MALRD1: variants seen among roughly 807,000 people sequenced by gnomAD.
MALRD1 encodes the protein MAM and LDL receptor class A domain containing 1.
MALRD1 carries 247 observed loss-of-function variants against 242.1 expected under a neutral mutation model. That is an observed-to-expected ratio of 1.02 (90% CI 0.92 to 1.13). The LOEUF (loss-of-function observed/expected upper bound fraction) is 1.13. MALRD1 is among the 50% of genes most tolerant of loss of function. The pLI, the probability that MALRD1 is intolerant of heterozygous loss-of-function variation, is 0.00. For missense variants in MALRD1, 2,989 were observed against 2,533.1 expected (o/e 1.18, Z -3.86); for synonymous variants, 995 against 866.6 (o/e 1.15, Z -2.60).
intron 22 of MALRD1, among the ~76,000 whole-genome samples, chr10:19,327,017 A>G (rs1207727171): frequency 6.6e-6 from 1 of 152,016 alleles, no homozygotes; most frequent in South Asian, 2.1e-4. Flanking sequence ...TACAGTACTG[A>G]TGAGAATATG....
chr10:19,332,394 G>C (rs983651245), intron 24 of MALRD1, among the ~76,000 whole-genome samples: 4 of 150,754 alleles, frequency 2.7e-5, no homozygotes, highest in African/African-American at 7.3e-5. Flanking sequence ...TCAGCTGTGT[G>C]ATATGGTTAA....
intron 36 of MALRD1, among the ~76,000 whole-genome samples, chr10:19,679,640 G>T (rs1489770503): frequency 6.6e-6 from 1 of 151,628 alleles, no homozygotes; most frequent in Admixed American, 6.6e-5. Context: ...AGTTTTTCGT[G>T]CCTCTGTCTC....
chr10:19,105,137 C>G (rs1473153462), intron 5 of MALRD1, among the ~76,000 whole-genome samples: 2 of 151,924 alleles, frequency 1.3e-5, no homozygotes, highest in Admixed American at 1.3e-4. Context: ...TAATTTCATA[C>G]CCATTGACCA....
intron 32 of MALRD1, among the ~76,000 whole-genome samples, chr10:19,541,828 G>A (rs1425924840): frequency 1.3e-5 from 2 of 152,156 alleles, no homozygotes; most frequent in South Asian, 2.1e-4. Context: ...CTGCGCCAGA[G>A]TAAACCTTGC....
chr10:19,603,068 A>C (rs1042303935), intron 34 of MALRD1, among the ~76,000 whole-genome samples: 7 of 151,702 alleles, frequency 4.6e-5, no homozygotes, highest in African/African-American at 1.7e-4. Context: ...AATTTGTTTG[A>C]GTTCATTGTA....
intron 21 of MALRD1, among the ~76,000 whole-genome samples, chr10:19,303,356 G>T (rs1023298693): frequency 3.3e-5 from 5 of 151,528 alleles, no homozygotes; most frequent in African/African-American, 7.3e-5. Flanking sequence ...CCAAGTTTGG[G>T]TATCTCTTAT....
At chr10:19,454,254 C>T (rs990204751) in intron 29 of MALRD1, among the ~76,000 whole-genome samples, 1 of 151,434 alleles carries the variant, frequency 6.6e-6, no homozygotes, top group East Asian at 1.9e-4. Flanking sequence ...ATAGGACAAA[C>T]CACAAACAGT....
intron 36 of MALRD1, among the ~76,000 whole-genome samples, chr10:19,690,904 A>ATAC (rs1252897271): frequency 2.6e-5 from 4 of 152,052 alleles, no homozygotes; most frequent in Non-Finnish European, 5.9e-5. Flanking sequence ...GTAATCCAAG[A>ATAC]CAGTTTTCCA....
At chr10:19,135,016 A>G (rs1002770298) in intron 9 of MALRD1, among the ~76,000 whole-genome samples, 2 of 152,332 alleles carry the variant, frequency 1.3e-5, no homozygotes, top group Admixed American at 6.5e-5. Context: ...TGGGAAAAGT[A>G]TGTAGCAGCA....
chr10:19,615,868 A>G lies in MALRD1; in HGVS notation c.6082A>G (p.Asn2028Asp). The change falls in exon 36 of 40, where the codon AAT becomes GAT. Residue 2028 changes from asparagine to aspartate, a missense_variant. Coordinates refer to ENST00000454679, the MANE Select transcript of MALRD1 (RefSeq NM_001142308.3). ...DESSCSECPLNYCRNGGTCVV... is the reference protein window; with the variant it reads ...DESSCSECPLDYCRNGGTCVV... ...ATGCTTCTTTTTAGAATGTCCATTAAATTACTGCAGAAATGGTGGGACTTG... is the reference window on the plus strand; with the variant it reads ...ATGCTTCTTTTTAGAATGTCCATTAGATTACTGCAGAAATGGTGGGACTTG... 6.5e-7 allele frequency: 1 copy of G among 1,530,254 alleles called. No individual in the cohort carries two copies. The highest frequency in any genetic ancestry group is 8.7e-7 in the Non-Finnish European group (1 of 1,143,336). 94.8% of individuals were successfully genotyped at this position (1,530,254 alleles called of 1,614,324 possible). A position where few individuals can be genotyped will look rare whatever the true frequency, so the allele number is the denominator to read the frequency against.
rs141228125 is a variant in MALRD1, at chr10:19,508,190, T to A, written c.5320+9544T>A. Among the ~76,000 whole-genome samples the A allele has an allele frequency of 2.4e-3, 363 of 152,296 alleles. 6 individuals are homozygous for A. The East Asian group carries it at 0.05, about 21-fold the overall frequency. ...ATAAAGATGCTTTCATTAGTGTTTT[T>A]ACTTTTTCAAAGAGTTGTGGATGGA... On this transcript the variant is annotated intron_variant, in intron 31 of 39. Coordinates refer to ENST00000454679, the MANE Select transcript of MALRD1 (RefSeq NM_001142308.3).
intron 34 of MALRD1, 105 bp downstream of exon 34, chr10:19,595,562 T>C (rs1258943311): frequency 7.9e-7 from 1 of 1,265,494 alleles, no homozygotes; most frequent in Non-Finnish European, 1.1e-6. Flanking sequence ...CTTACCGTGA[T>C]TGTATCATTA....
intron 14 of MALRD1, among the ~76,000 whole-genome samples, chr10:19,200,645 G>GTGTTT (rs1836480722): frequency 1.4e-5 from 1 of 69,450 alleles, no homozygotes; most frequent in African/African-American, 5.9e-5. Context: ...CCTGCTTGAG[G>GTGTTT]TTTTTTTTTT....
intron 38 of MALRD1, chr10:19,721,498 C>G (rs1216555066): frequency 6.6e-6 from 1 of 150,486 alleles, no homozygotes; most frequent in Admixed American, 6.6e-5. Context: ...TAGTTGCATC[C>G]TTTAAAAAAA....
intron 23 of MALRD1, among the ~76,000 whole-genome samples, chr10:19,329,250 T>C (rs1588918933): frequency 6.6e-6 from 1 of 152,298 alleles, no homozygotes; most frequent in East Asian, 1.9e-4. Flanking sequence ...AGAGAGACAG[T>C]GGTTAGTTAG....
intron 29 of MALRD1, among the ~76,000 whole-genome samples, chr10:19,471,498 A>C (rs1336416140): frequency 6.6e-6 from 1 of 151,786 alleles, no homozygotes. Context: ...TGTGGATTGC[A>C]CTGAATGTGT....
intron 21 of MALRD1, among the ~76,000 whole-genome samples, chr10:19,292,778 A>G (rs1228711491): frequency 2.6e-5 from 4 of 151,578 alleles, no homozygotes; most frequent in Non-Finnish European, 5.9e-5. Context: ...CTGTAGTCCC[A>G]GCTACTCGGG....
Position 19,123,595 on chromosome 10 carries a change from T to G in MALRD1, c.796+2T>G. ...ATGCTACAGATGAAGAGTTGAGATG[T>G]AAGTGTTAAATTGAGATATTCACTT... is the stretch of plus-strand genomic sequence containing the variant. On this transcript the variant is annotated splice_donor_variant, in intron 6 of 39. Transcript: ENST00000454679. LOFTEE classifies it high-confidence loss of function. 7.3e-6 allele frequency: 9 copies of G among 1,229,214 alleles called. No individual in the cohort carries two copies. The highest frequency in any genetic ancestry group is 8.1e-6 in the Non-Finnish European group (8 of 983,916). The allele number at this position is 1,229,214 out of a possible 1,614,324, so 76.1% of individuals were successfully genotyped here. A position where few individuals can be genotyped will look rare whatever the true frequency, so the allele number is the denominator to read the frequency against.
rs868297904 is a variant in MALRD1, at chr10:19,238,499, A to T, written c.2992-19185A>T. Among the ~76,000 whole-genome samples, 35 of 12,748 alleles carry T rather than the reference A, an allele frequency of 2.7e-3. 5 individuals carry two copies. The highest frequency in any genetic ancestry group is 0.013 in the South Asian group (3 of 224). The allele number at this position is 12,748 out of a possible 152,430, so 8.4% of individuals were successfully genotyped here. ...TAATATACATTATATATAATATATA[A>T]TATAATATATAATGTATATTATATA... On this transcript the variant is annotated intron_variant, in intron 18 of 39. Coordinates refer to ENST00000454679, the MANE Select transcript of MALRD1 (RefSeq NM_001142308.3).
Sources: allele counts gnomAD v4.1 joint callset (sites outside exome capture counted in the v4.1 genomes callset), GRCh38; gene constraint gnomAD v4.1.1; transcripts MANE v1.5; gene names NCBI Gene and HGNC (gene_info 2026-07-23, HGNC 2026-07-21).